Variants in SUCLA2 observed in about 807,000 individuals in gnomAD.
The protein encoded by SUCLA2 is succinate-CoA ligase ADP-forming subunit beta, also known as succinate--CoA ligase [ADP-forming] subunit beta, mitochondrial.
A neutral mutation model predicts 54.8 loss-of-function variants in SUCLA2; 30 were observed. That is an observed-to-expected ratio of 0.55 (90% CI 0.41 to 0.74). The LOEUF (loss-of-function observed/expected upper bound fraction) is 0.74, where lower values mean the gene tolerates loss of function less well. Among genes scored for constraint, SUCLA2 ranks in the 30% least tolerant of loss-of-function variants. The pLI, the probability that SUCLA2 is intolerant of heterozygous loss-of-function variation, is 0.00. For missense variants in SUCLA2, 476 were observed against 562.9 expected (o/e 0.85, Z 1.56); for synonymous variants, 172 against 188.9 (o/e 0.91, Z 0.74).
At position 47,996,852 on chromosome 13, in the gene SUCLA2, T is replaced by C; in HGVS notation, c.262A>G (p.Lys88Glu). The C allele has an allele frequency of 1.9e-6, 3 of 1,613,296 alleles. No individual in the cohort carries two copies. Among genetic ancestry groups the C allele is most frequent in the Non-Finnish European group, 2.5e-6 (3 of 1,179,820 alleles). ...KSPDEAYAIA[K>E]KLGSKDVVIK... is the part of the protein sequence containing the mutation. The stretch of plus-strand genomic sequence containing the variant: ...TTTCTTAATTTAGTACCTAATTTTT[T>C]GGCAATTGCATAAGCTTCATCTGGT... Residue 88 changes from lysine (K) to glutamate (E), a missense_variant, in exon 2 of 11, where the codon AAA becomes GAA. By Grantham distance (56) the Lys-to-Glu change is moderately conservative. Coordinates refer to ENST00000646932, the MANE Select transcript of SUCLA2 (RefSeq NM_003850.3).
chr13:47,981,299 A>T (rs967201270), intron 4 of SUCLA2, among the ~76,000 whole-genome samples: 2 of 152,226 alleles, frequency 1.3e-5, no homozygotes, highest in Non-Finnish European at 2.9e-5. Context: ...AAAGATGGGC[A>T]AAGGACTTAA....
Position 47,948,994 on chromosome 13 carries a change from C to G in SUCLA2, c.1263G>C (p.Ala421=). The G allele has an allele frequency of 6.2e-7, 1 of 1,613,714 alleles. No homozygotes were observed. The highest frequency in any genetic ancestry group is 8.5e-7 in the Non-Finnish European group (1 of 1,179,758). ...AAGCAAGTATTTTAAGTCCACTGTC[C>G]GCTATCAGTGCCTTAGCATCATCGA... is the stretch of plus-strand genomic sequence containing the variant. ...TRVDDAKALI[A]DSGLKILACD... The change falls in exon 10 of 11, where the codon GCG becomes GCC. Residue 421 remains alanine, a synonymous_variant. Transcript: ENST00000646932.
intron 2 of SUCLA2, among the ~76,000 whole-genome samples, chr13:47,989,690 T>A (rs1309243266): frequency 6.6e-6 from 1 of 152,238 alleles, no homozygotes; most frequent in Non-Finnish European, 1.5e-5. Context: ...ACATGTAAAC[T>A]TGCTGTCCTG....
chr13:47,946,507 TC>T (rs1409671753), intron 10 of SUCLA2, among the ~76,000 whole-genome samples: 7 of 151,444 alleles, frequency 4.6e-5, no homozygotes, highest in Non-Finnish European at 7.4e-5. Flanking sequence ...AAAGCTAGAT[TC>T]CCTGATAATA....
At chr13:47,972,079 CAT>C (rs1949971077) in intron 5 of SUCLA2, 1 of 378,944 alleles carries the variant, frequency 2.6e-6, no homozygotes, top group Non-Finnish European at 4.7e-6. Context: ...AGCAAAACCC[CAT>C]CTCTACTAAA....
chr13:47,989,801 A>C (rs935520152), intron 2 of SUCLA2, among the ~76,000 whole-genome samples: 1 of 152,178 alleles, frequency 6.6e-6, no homozygotes, highest in Non-Finnish European at 1.5e-5. Flanking sequence ...CACTAAGAGA[A>C]AGTTCTATTA....
At chr13:47,968,873 C>A in intron 5 of SUCLA2, 140 bp from the exon 6 acceptor site, 1 of 998,434 alleles carries the variant, frequency 1.0e-6, no homozygotes, top group South Asian at 1.7e-5. Context: ...ATAGCAGCTA[C>A]CATTACTAAA....
chr13:47,975,207 C>G (rs1244486039), intron 4 of SUCLA2, among the ~76,000 whole-genome samples: 1 of 150,360 alleles, frequency 6.7e-6, no homozygotes, highest in Non-Finnish European at 1.5e-5. Context: ...GTCACCCAGG[C>G]TGGAGTGAAA....
In SUCLA2 at chr13:47,979,598, G is replaced by C. The variant is rs542815688; in HGVS notation, c.535-6206C>G. ...ACGTGTATACCTATGTAACAAACCT[G>C]CACATTCTGCACATGTATCCCAGAA... On this transcript the variant is annotated intron_variant, in intron 4 of 10. Transcript: ENST00000646932. Among the ~76,000 whole-genome samples the C allele has an allele frequency of 1.2e-4, 18 of 152,122 alleles. No individual in the cohort carries two copies. In the East Asian group the frequency reaches 2.1e-3, roughly 18 times the overall value.
At position 47,976,555 on chromosome 13, in the gene SUCLA2, A is replaced by G. The variant is rs546545010; in HGVS notation, c.535-3163T>C. Among the ~76,000 whole-genome samples the G allele has an allele frequency of 3.3e-5, 5 of 152,298 alleles. No individual in the cohort carries two copies. The South Asian group carries it at 1.0e-3, about 32-fold the overall frequency. Reference sequence around the variant, plus strand: ...TACTCTGGATGCCTGTGGGGCATCGAGAACAAAGGAGAGTACACAGGCTCA... The same window carrying G: ...TACTCTGGATGCCTGTGGGGCATCGGGAACAAAGGAGAGTACACAGGCTCA... On this transcript the variant is annotated intron_variant, in intron 4 of 10. Coordinates refer to ENST00000646932, the MANE Select transcript of SUCLA2 (RefSeq NM_003850.3).
At chr13:47,968,459 T>C (rs1231499731) in intron 6 of SUCLA2, 136 bp downstream of exon 6, 17 of 958,520 alleles carry the variant, frequency 1.8e-5, no homozygotes, top group Non-Finnish European at 2.6e-5. Context: ...TCATATTCAT[T>C]CTATCTGATT....
chr13:47,977,251 G>A (rs533641451), intron 4 of SUCLA2, among the ~76,000 whole-genome samples: 10 of 152,066 alleles, frequency 6.6e-5, no homozygotes, highest in Non-Finnish European at 1.2e-4. Context: ...TAAAAAATAT[G>A]AACAGCTCTA....
chr13:47,962,100 CTT>C (rs1240655148), intron 6 of SUCLA2, among the ~76,000 whole-genome samples: 1 of 152,098 alleles, frequency 6.6e-6, no homozygotes, highest in African/African-American at 2.4e-5. Flanking sequence ...ATTTTTATGG[CTT>C]TTTTTGTTTG....
chr13:47,966,371 T>C (rs893413063), intron 6 of SUCLA2, among the ~76,000 whole-genome samples: 5 of 152,184 alleles, frequency 3.3e-5, no homozygotes, highest in East Asian at 1.9e-4. Context: ...ATTAATGCTG[T>C]TGAATAGGAA....
chr13:47,995,789 G>T (rs570457775), intron 2 of SUCLA2, among the ~76,000 whole-genome samples: 6 of 152,222 alleles, frequency 3.9e-5, no homozygotes, highest in African/African-American at 1.4e-4. Flanking sequence ...TCAGCTCATG[G>T]TTTTCATGCT....
intron 6 of SUCLA2, among the ~76,000 whole-genome samples, chr13:47,967,004 A>C (rs1047229819): frequency 6.6e-6 from 1 of 152,154 alleles, no homozygotes; most frequent in Admixed American, 6.5e-5. Flanking sequence ...TGGGCAACAA[A>C]GCAAGACCGT....
At chr13:47,945,016 C>T (rs750632689) in intron 10 of SUCLA2, among the ~76,000 whole-genome samples, 4 of 151,870 alleles carry the variant, frequency 2.6e-5, no homozygotes, top group Non-Finnish European at 5.9e-5. Flanking sequence ...CTTTGGGAGG[C>T]CGAGGCAGGT....
At chr13:48,000,913 C>G in intron 1 of SUCLA2, 1 of 1,359,942 alleles carries the variant, frequency 7.4e-7, no homozygotes, top group South Asian at 1.6e-5. Flanking sequence ...CCACCTGCTC[C>G]CGCCCATCTC....
At chr13:47,988,793 A>G in intron 3 of SUCLA2, 89 bp downstream of exon 3, 1 of 1,593,288 alleles carries the variant, frequency 6.3e-7, no homozygotes, top group Non-Finnish European at 8.6e-7. Context: ...CTCATCTAAT[A>G]TTTAAATTTC....
Sources: allele counts gnomAD v4.1 joint callset (sites outside exome capture counted in the v4.1 genomes callset), GRCh38; gene constraint gnomAD v4.1.1; transcripts MANE v1.5; gene names NCBI Gene and HGNC (gene_info 2026-07-23, HGNC 2026-07-21).